The following ANKRD46 variants were observed in gnomAD, a reference collection of about 807,000 sequenced individuals.
The protein encoded by ANKRD46 is ankyrin repeat domain-containing protein 46.
In ANKRD46, 13 loss-of-function variants were observed where a neutral mutation model predicts 19.8. The ratio of observed to expected loss-of-function variants is 0.66; its 90% CI spans 0.43 to 1.04. The LOEUF (loss-of-function observed/expected upper bound fraction) is 1.04. Among genes scored for constraint, ANKRD46 ranks in the 50% least tolerant of loss-of-function variants. ANKRD46 has a pLI of 0.00. For synonymous variants in ANKRD46, 91 were observed against 106.9 expected (o/e 0.85, Z 0.92); for missense variants, 185 against 274.8 (o/e 0.67, Z 2.31).
At chr8:100,516,224 T>G (rs1428386538), downstream of ANKRD46, among the ~76,000 whole-genome samples, 2 of 152,214 alleles carry the variant, frequency 1.3e-5, 1 homozygote, top group African/African-American at 4.8e-5. Flanking sequence ...ATTAGAATGC[T>G]AGAATAGAAC....
In ANKRD46 at chr8:100,543,060, A is replaced by G. The variant is rs1048527561; in HGVS notation, c.-130-9749T>C. Among the ~76,000 whole-genome samples the G allele has an allele frequency of 1.2e-4, 19 of 152,154 alleles. No homozygotes were observed. The highest frequency in any genetic ancestry group is 2.4e-4 in the African/African-American group (10 of 41,446). ...CGGGAAAAGAAGATGACAAGTTCCT[A>G]TATCAGTTTCCCATGGAGCTATTTT... On this transcript the variant is annotated intron_variant, in intron 1 of 4. Transcript: ENST00000335659. This position sits in a 1 kb window ranked among gnomAD's most constrained non-coding sequence, Gnocchi z 4.2.
intron 1 of ANKRD46, among the ~76,000 whole-genome samples, chr8:100,542,580 T>C (rs1812195576): frequency 6.6e-6 from 1 of 152,108 alleles, no homozygotes; most frequent in Non-Finnish European, 1.5e-5. Flanking sequence ...CTGTGGCTCT[T>C]TTCCTGCTGT....
intron 1 of ANKRD46, among the ~76,000 whole-genome samples, chr8:100,555,598 A>G (rs952331427): frequency 6.6e-6 from 1 of 151,386 alleles, no homozygotes; most frequent in Non-Finnish European, 1.5e-5. Context: ...GCAAAAGAAA[A>G]AAGTTAGAAA....
chr8:100,528,262 G>A (rs1334773142), intron 3 of ANKRD46, among the ~76,000 whole-genome samples: 1 of 152,116 alleles, frequency 6.6e-6, no homozygotes, highest in Non-Finnish European at 1.5e-5. Flanking sequence ...CATCACAGAG[G>A]CCGTTATCCT....
chr8:100,558,269 ATCACTTCACATCCTCTC>A (rs1812539974), intron 1 of ANKRD46, among the ~76,000 whole-genome samples: 2 of 152,212 alleles, frequency 1.3e-5, no homozygotes, highest in Non-Finnish European at 1.5e-5. Context: ...AAAATTCCTT[ATCACTTCACATCCTCTC>A]TCCAGTGCCT....
At chr8:100,535,380 A>C (rs1339761327) in intron 1 of ANKRD46, among the ~76,000 whole-genome samples, 1 of 152,254 alleles carries the variant, frequency 6.6e-6, no homozygotes, top group Non-Finnish European at 1.5e-5. Flanking sequence ...AAGAAATAAC[A>C]CAGAGTGATC....
rs1448019379 is a variant in ANKRD46, at chr8:100,529,505, A to G, written c.311+18T>C. 6.3e-7 allele frequency: 1 copy of G among 1,598,408 alleles called. No homozygotes were observed. Among genetic ancestry groups the G allele is most frequent in the East Asian group, 2.2e-5 (1 of 44,654 alleles). On this transcript the variant is annotated intron_variant, in intron 3 of 4. Coordinates refer to ENST00000335659, the MANE Select transcript of ANKRD46 (RefSeq NM_001270377.2). This position sits in a 1 kb window ranked among gnomAD's most constrained non-coding sequence, Gnocchi z 5.8. ...ATGGGAAGAAATGACTAGACTTCTA[A>G]AACAACAGAGAACTTACCAAATATC...
downstream of ANKRD46, among the ~76,000 whole-genome samples, chr8:100,516,503 C>A (rs973481706): frequency 1.3e-5 from 2 of 152,044 alleles, no homozygotes; most frequent in Admixed American, 1.3e-4. Context: ...AACTATCCAC[C>A]CCCCCATCAT....
At chr8:100,509,842 G>A (rs1197206124) in exon 6 of ANKRD46, 1 of 152,248 alleles carries the variant, frequency 6.6e-6, no homozygotes, top group Non-Finnish European at 1.5e-5. Flanking sequence ...TGGACTCTGG[G>A]CAGGAGACAA....
In ANKRD46 at chr8:100,556,042, T is replaced by C. The variant is rs572540092; in HGVS notation, c.-131+3669A>G. 5.9e-5 allele frequency among the ~76,000 whole-genome samples: 9 copies of C among 152,282 alleles called. No homozygotes were observed. The South Asian group carries it at 1.9e-3, about 32-fold the overall frequency. On this transcript the variant is annotated intron_variant, in intron 1 of 4. Coordinates refer to ENST00000335659, the MANE Select transcript of ANKRD46 (RefSeq NM_001270377.2). ...TCATGCCTTAAGATAAAAATTGCATTCTTTTTATACACCTACTACATTTGA... is the reference window on the plus strand; with the variant it reads ...TCATGCCTTAAGATAAAAATTGCATCCTTTTTATACACCTACTACATTTGA...
In ANKRD46 at chr8:100,557,780, C is replaced by G. The variant is rs1812530267; in HGVS notation, c.-131+1931G>C. On this transcript the variant is annotated intron_variant, in intron 1 of 4. Coordinates refer to ENST00000335659, the MANE Select transcript of ANKRD46 (RefSeq NM_001270377.2). The surrounding 1 kb of genome is among the most constrained non-coding windows in gnomAD (Gnocchi z 5.9). ...GGTATGCTCTTTCCCTAGACAGCTG[C>G]ATGGCGGTCCCCAACGCCTTCAGTT... 6.6e-6 allele frequency among the ~76,000 whole-genome samples: 1 copy of G among 152,222 alleles called. No individual in the cohort carries two copies. The highest frequency in any genetic ancestry group is 1.5e-5 in the Non-Finnish European group (1 of 68,030).
intron 2 of ANKRD46, among the ~76,000 whole-genome samples, chr8:100,530,480 T>C (rs1324419959): frequency 1.3e-5 from 2 of 151,258 alleles, no homozygotes; most frequent in South Asian, 2.1e-4. Flanking sequence ...ATCTCCCGAG[T>C]TCAAGCGATT....
At chr8:100,518,078 C>A (rs949651938), downstream of ANKRD46, among the ~76,000 whole-genome samples, 7 of 152,154 alleles carry the variant, frequency 4.6e-5, no homozygotes, top group African/African-American at 1.7e-4. Context: ...GTAATCCCAG[C>A]TCCTAGGGAG....
chr8:100,511,435 G>GTT lies in ANKRD46; in HGVS notation c.637-798_637-797dup, dbSNP rs1163838897. Among the ~76,000 whole-genome samples, 67 of 150,558 alleles carry GTT rather than the reference G, an allele frequency of 4.5e-4. No homozygotes were observed. Among genetic ancestry groups the GTT allele is most frequent in the African/African-American group, 1.6e-3 (64 of 40,046 alleles). On this transcript the variant is annotated intron_variant, in intron 5 of 5. Transcript: ENST00000520552. The surrounding 1 kb of genome is among the most constrained non-coding windows in gnomAD (Gnocchi z 4.1). The stretch of plus-strand genomic sequence containing the variant: ...TGGTAAATGGTGAGGTAGACACCAA[G>GTT]TTGTGTGTGTGTGTGTGTGTGTGTG...
At chr8:100,556,987 T>C (rs1430288859) in intron 1 of ANKRD46, 1 of 152,098 alleles carries the variant, frequency 6.6e-6, no homozygotes, top group Non-Finnish European at 1.5e-5. Context: ...GGGTAGCCAA[T>C]CTTTTGGCTT....
At chr8:100,514,463 C>G (rs1043116677) in intron 5 of ANKRD46, among the ~76,000 whole-genome samples, 1 of 151,516 alleles carries the variant, frequency 6.6e-6, no homozygotes, top group Non-Finnish European at 1.5e-5. Context: ...TAAACTAATT[C>G]AGACATGAAA....
chr8:100,518,744 C>T (rs1366942558), downstream of ANKRD46, among the ~76,000 whole-genome samples: 5 of 151,826 alleles, frequency 3.3e-5, no homozygotes, highest in East Asian at 9.7e-4. Context: ...CCCAGCTACT[C>T]AGGAGGCTGA....
intron 1 of ANKRD46, among the ~76,000 whole-genome samples, chr8:100,555,823 G>GC (rs1812488952): frequency 7.2e-6 from 1 of 138,420 alleles, no homozygotes; most frequent in East Asian, 2.4e-4. Flanking sequence ...TAAAAAATCA[G>GC]TAGCTATAAC....
At chr8:100,513,031 A>G (rs1811571399) in intron 5 of ANKRD46, among the ~76,000 whole-genome samples, 1 of 152,204 alleles carries the variant, frequency 6.6e-6, no homozygotes, top group South Asian at 2.1e-4. Flanking sequence ...GGGGTCTTAT[A>G]AGGCCACTGC....
Sources: allele counts gnomAD v4.1 joint callset (sites outside exome capture counted in the v4.1 genomes callset), GRCh38; gene constraint gnomAD v4.1.1; non-coding constraint Gnocchi (gnomAD v3.1); transcripts MANE v1.5; gene names NCBI Gene and HGNC (gene_info 2026-07-23, HGNC 2026-07-21).